Variants in KCTD16 observed in about 807,000 individuals in gnomAD.
KCTD16 encodes BTB/POZ domain-containing protein KCTD16.
In KCTD16, 13 loss-of-function variants were observed where a neutral mutation model predicts 33.2. The observed-to-expected ratio is 0.39, with a 90% CI of 0.25 to 0.62. KCTD16 has a LOEUF of 0.62. KCTD16 is among the 20% of genes least tolerant of loss of function. KCTD16 has a pLI of 0.50. For synonymous variants in KCTD16, 197 were observed against 195.3 expected, an observed-to-expected ratio of 1.01 and a Z score of -0.07; for missense variants, 441 against 525.1, an observed-to-expected ratio of 0.84 and a Z score of 1.57.
chr5:144,423,737 T>C (rs1330942378), intron 3 of KCTD16, among the ~76,000 whole-genome samples: 3 of 152,134 alleles, frequency 2.0e-5, no homozygotes, highest in Non-Finnish European at 4.4e-5. Flanking sequence ...TCTTAGTTAA[T>C]TCTACAGATT....
chr5:144,247,755 C>T (rs1044482797), intron 3 of KCTD16, among the ~76,000 whole-genome samples: 8 of 152,178 alleles, frequency 5.3e-5, no homozygotes, highest in Non-Finnish European at 8.8e-5. Context: ...TATGAACACA[C>T]TTAAAGCCTA....
chr5:144,383,307 C>A (rs1166568771), intron 3 of KCTD16, among the ~76,000 whole-genome samples: 1 of 152,142 alleles, frequency 6.6e-6, no homozygotes, highest in Non-Finnish European at 1.5e-5. Flanking sequence ...CATTTCTCTG[C>A]GTCAGAGCTG....
At chr5:144,348,125 C>T (rs1369876097) in intron 3 of KCTD16, among the ~76,000 whole-genome samples, 3 of 152,180 alleles carry the variant, frequency 2.0e-5, no homozygotes, top group Non-Finnish European at 2.9e-5. Context: ...ACTTTCCTAT[C>T]TTTCTACCTC....
At chr5:144,318,022 C>G (rs1751969307) in intron 3 of KCTD16, among the ~76,000 whole-genome samples, 1 of 152,224 alleles carries the variant, frequency 6.6e-6, no homozygotes, top group African/African-American at 2.4e-5. Context: ...ATGCTTTCCA[C>G]TCAGTCTCCC....
At chr5:144,292,527 T>C (rs1179032442) in intron 3 of KCTD16, among the ~76,000 whole-genome samples, 1 of 152,184 alleles carries the variant, frequency 6.6e-6, no homozygotes, top group East Asian at 1.9e-4. Context: ...AGGTGAGCCC[T>C]AGACGTGCTG....
chr5:144,182,877 GTTA>G (rs1006535267), intron 2 of KCTD16, among the ~76,000 whole-genome samples: 1 of 152,084 alleles, frequency 6.6e-6, no homozygotes, highest in Admixed American at 6.5e-5. Context: ...AGTTATGTTT[GTTA>G]TTATTATTTC....
chr5:144,266,803 G>A (rs950842371), intron 3 of KCTD16, among the ~76,000 whole-genome samples: 25 of 152,056 alleles, frequency 1.6e-4, no homozygotes, highest in African/African-American at 6.0e-4. Context: ...ATAGCCAGCA[G>A]TTGGATACTG....
chr5:144,218,739 A>G (rs948251040), intron 3 of KCTD16, among the ~76,000 whole-genome samples: 13 of 152,220 alleles, frequency 8.5e-5, no homozygotes, highest in African/African-American at 3.1e-4. Context: ...TTAACTAAAC[A>G]TTGCTGATTT....
chr5:144,330,411 C>CA (rs10577099), intron 3 of KCTD16, among the ~76,000 whole-genome samples: 1,198 of 87,230 alleles, frequency 0.014, 25 homozygotes, highest in East Asian at 0.039. Flanking sequence ...GAAACTCCAT[C>CA]AAAAAAAAAA....
In KCTD16 at chr5:144,481,109, T is replaced by C. The variant is rs970832020; in HGVS notation, c.*6995T>C. On this transcript the variant is annotated 3_prime_UTR_variant, in exon 4 of 4. Coordinates refer to ENST00000512467, the MANE Select transcript of KCTD16 (RefSeq NM_020768.4). ...TCTTGTGTTCTTCTACTTCAGTCTT[T>C]CTGCCTCAGAAAAATTATACTTCAG... 1.3e-5 allele frequency: 2 copies of C among 151,958 alleles called. No homozygotes were observed. Among genetic ancestry groups the C allele is most frequent in the Non-Finnish European group, 2.9e-5 (2 of 67,924 alleles). The allele number at this position is 151,958 out of a possible 1,614,324, so 9.4% of individuals were successfully genotyped here.
chr5:144,248,291 A>T (rs1047097253), intron 3 of KCTD16, among the ~76,000 whole-genome samples: 1 of 152,314 alleles, frequency 6.6e-6, no homozygotes, highest in Non-Finnish European at 1.5e-5. Context: ...AGAAAGCTTT[A>T]TGGATATCTG....
chr5:144,205,676 C>A (rs942765346), intron 2 of KCTD16: 2 of 398,402 alleles, frequency 5.0e-6, no homozygotes, highest in Non-Finnish European at 8.9e-6. Context: ...CCAAAGATTT[C>A]TTTTTCCATT....
intron 3 of KCTD16, among the ~76,000 whole-genome samples, chr5:144,361,906 T>TTGTGTGTGTG (rs3996310): frequency 4.1e-4 from 59 of 143,992 alleles, no homozygotes; most frequent in African/African-American, 1.3e-3. Context: ...TGGTGTTATT[T>TTGTGTGTGTG]TGTGTGTGTG....
At chr5:144,331,398 T>G (rs2126891485) in intron 3 of KCTD16, among the ~76,000 whole-genome samples, 1 of 152,360 alleles carries the variant, frequency 6.6e-6, no homozygotes, top group South Asian at 2.1e-4. Flanking sequence ...TTAGGTTTTA[T>G]TAGCTCTCAA....
Position 144,448,070 on chromosome 5 carries a change from C to T in KCTD16, c.833-25590C>T, listed in dbSNP as rs1199836617. On this transcript the variant is annotated intron_variant, in intron 3 of 3. Coordinates refer to ENST00000512467, the MANE Select transcript of KCTD16 (RefSeq NM_020768.4). ...ATCTCTCTATTGTGATGCCGTTTAACAAGCTCACAGATAGTCCATGCTTCA... is the reference window on the plus strand; with the variant it reads ...ATCTCTCTATTGTGATGCCGTTTAATAAGCTCACAGATAGTCCATGCTTCA... Among the ~76,000 whole-genome samples the T allele has an allele frequency of 2.6e-5, 4 of 152,048 alleles. 1 individual carries two copies. Among genetic ancestry groups the T allele is most frequent in the African/African-American group, 9.7e-5 (4 of 41,386 alleles).
intron 3 of KCTD16, among the ~76,000 whole-genome samples, chr5:144,403,267 G>A (rs1344692602): frequency 2.0e-5 from 3 of 152,154 alleles, no homozygotes; most frequent in Non-Finnish European, 4.4e-5. Context: ...ACCTATGAAT[G>A]TGACCTTATT....
intron 3 of KCTD16, among the ~76,000 whole-genome samples, chr5:144,437,868 T>C (rs1382419344): frequency 1.3e-5 from 2 of 152,066 alleles, no homozygotes; most frequent in Non-Finnish European, 1.5e-5. Context: ...TGGGAAAAGG[T>C]AGGGAATGGC....
At chr5:144,337,555 TG>T (rs67649825) in intron 3 of KCTD16, among the ~76,000 whole-genome samples, 7,313 of 152,290 alleles carry the variant, frequency 0.048, 603 homozygotes, top group African/African-American at 0.17. Context: ...TTTTATGTGA[TG>T]TACATTGTTT....
At chr5:144,432,655 G>A (rs942166642) in intron 3 of KCTD16, among the ~76,000 whole-genome samples, 30 of 149,972 alleles carry the variant, frequency 2.0e-4, no homozygotes, top group East Asian at 9.7e-4. Flanking sequence ...GTGTGTGTGT[G>A]TATATATCAG....
Sources: gnomAD v4.1 joint callset for allele counts (sites outside exome capture counted in the v4.1 genomes callset) on GRCh38, gnomAD v4.1.1 for gene constraint, MANE v1.5 for transcripts, NCBI Gene and HGNC (gene_info 2026-07-23, HGNC 2026-07-21) for gene names.